Variants in CD58 observed in about 807,000 individuals in gnomAD.
CD58 encodes the protein lymphocyte function-associated antigen 3.
Under a neutral mutation model 27.6 loss-of-function variants are expected in CD58, and 14 were observed. The observed-to-expected ratio is 0.51, with a 90% CI of 0.34 to 0.79. The LOEUF (loss-of-function observed/expected upper bound fraction) is 0.79, where lower values mean the gene tolerates loss of function less well. Ranked by LOEUF, CD58 falls within the 30% of genes least tolerant of loss-of-function variation. The pLI, the probability that CD58 is intolerant of heterozygous loss-of-function variation, is 0.02. For missense variants in CD58, 268 were observed against 301.7 expected, an observed-to-expected ratio of 0.89 and a Z score of 0.83; for synonymous variants, 117 against 103.8, an observed-to-expected ratio of 1.13 and a Z score of -0.77.
At position 116,538,847 on chromosome 1, in the gene CD58, T is replaced by C. The variant is rs766784153; in HGVS notation, c.365-2619A>G. The stretch of plus-strand genomic sequence containing the variant: ...AGTACAGGACAGATGGGGAGACAGA[T>C]GGATAGAAGGATAGATTCAGAGAGA... On this transcript the variant is annotated intron_variant, in intron 2 of 5. Transcript: ENST00000369489. The surrounding 1 kb of genome is among the most constrained non-coding windows in gnomAD (Gnocchi z 4.7). Among the ~76,000 whole-genome samples, 5 of 152,182 alleles carry C rather than the reference T, an allele frequency of 3.3e-5. No individual in the cohort carries two copies. Among genetic ancestry groups the C allele is most frequent in the Non-Finnish European group, 5.9e-5 (4 of 68,020 alleles).
chr1:116,563,215 C>T lies in CD58; in HGVS notation c.70+7688G>A, dbSNP rs1296174259. On this transcript the variant is annotated intron_variant, in intron 1 of 5. Transcript: ENST00000369489. The surrounding 1 kb of genome is among the most constrained non-coding windows in gnomAD (Gnocchi z 4.1). The stretch of plus-strand genomic sequence containing the variant: ...TGATCTCCTTTGACTCCATGCCTCA[C>T]ATCCAGGTGACGCAAGAGATGGGCT... Among the ~76,000 whole-genome samples, 1 of 152,236 alleles carries T rather than the reference C, an allele frequency of 6.6e-6. No homozygotes were observed. Among genetic ancestry groups the T allele is most frequent in the Non-Finnish European group, 1.5e-5 (1 of 68,040 alleles).
intron 4 of CD58, among the ~76,000 whole-genome samples, chr1:116,520,256 C>A (rs1657224553): frequency 6.6e-6 from 1 of 152,086 alleles, no homozygotes; most frequent in South Asian, 2.1e-4. Context: ...GGACTACAGG[C>A]ATGCACCACC....
chr1:116,525,946 C>T (rs374444656), intron 3 of CD58, among the ~76,000 whole-genome samples: 20 of 152,160 alleles, frequency 1.3e-4, no homozygotes, highest in African/African-American at 3.1e-4. Context: ...CCACCGCACC[C>T]GGCCCAGGAG....
chr1:116,517,845 C>T lies in CD58; in HGVS notation c.743+1386G>A, dbSNP rs1047181812. Among the ~76,000 whole-genome samples, 1 of 152,188 alleles carries T rather than the reference C, an allele frequency of 6.6e-6. No individual in the cohort carries two copies. Among genetic ancestry groups the T allele is most frequent in the Non-Finnish European group, 1.5e-5 (1 of 68,038 alleles). On this transcript the variant is annotated intron_variant, in intron 5 of 5. Coordinates refer to ENST00000369489, the MANE Select transcript of CD58 (RefSeq NM_001779.3). This position sits in a 1 kb window ranked among gnomAD's most constrained non-coding sequence, Gnocchi z 6.5. ...CATGGACATCACTAGCCAGGTAATACACCAGCACCCCAAAATCAACCTGTC... is the reference window on the plus strand; with the variant it reads ...CATGGACATCACTAGCCAGGTAATATACCAGCACCCCAAAATCAACCTGTC...
At chr1:116,562,135 A>G (rs891384365) in intron 1 of CD58, among the ~76,000 whole-genome samples, 32 of 152,322 alleles carry the variant, frequency 2.1e-4, no homozygotes, top group African/African-American at 7.5e-4. Flanking sequence ...ATTGTCATCT[A>G]ATGTTCAGAT....
chr1:116,528,865 C>T lies in CD58; in HGVS notation c.629-6882G>A, dbSNP rs1571063187. 6.6e-6 allele frequency among the ~76,000 whole-genome samples: 1 copy of T among 152,220 alleles called. No homozygotes were observed. The highest frequency in any genetic ancestry group is 1.9e-4 in the East Asian group (1 of 5,196). On this transcript the variant is annotated intron_variant, in intron 3 of 5. Transcript: ENST00000369489. The surrounding 1 kb of genome is among the most constrained non-coding windows in gnomAD (Gnocchi z 4.4). ...TCCTACCCTCATCTATTCACAAGGTCTGTCAACAATGACCTCCTAAGTGCC... is the reference window on the plus strand; with the variant it reads ...TCCTACCCTCATCTATTCACAAGGTTTGTCAACAATGACCTCCTAAGTGCC...
At chr1:116,543,613 C>T (rs1292459103) in intron 2 of CD58, among the ~76,000 whole-genome samples, 2 of 152,090 alleles carry the variant, frequency 1.3e-5, no homozygotes, top group African/African-American at 4.8e-5. Context: ...TGTCCCCTCT[C>T]TCTAGTTTCA....
At chr1:116,525,878 T>C (rs1033224664) in intron 3 of CD58, among the ~76,000 whole-genome samples, 32 of 152,218 alleles carry the variant, frequency 2.1e-4, no homozygotes, top group African/African-American at 7.7e-4. Flanking sequence ...CTTGAACTCC[T>C]GACCTCAGGT....
chr1:116,537,551 T>C (rs548448184), intron 2 of CD58, among the ~76,000 whole-genome samples: 1 of 152,326 alleles, frequency 6.6e-6, no homozygotes, highest in East Asian at 1.9e-4. Context: ...GGGAGCAGCA[T>C]GTGTCACAGA....
intron 1 of CD58, among the ~76,000 whole-genome samples, chr1:116,553,464 G>A (rs896708446): frequency 6.6e-6 from 1 of 152,164 alleles, no homozygotes. Flanking sequence ...AAAACTGGGA[G>A]AACTAGATGA....
In CD58 at chr1:116,519,543, G is replaced by A. The variant is rs1037179661; in HGVS notation, c.707-276C>T. On this transcript the variant is annotated intron_variant, in intron 4 of 5. Coordinates refer to ENST00000369489, the MANE Select transcript of CD58 (RefSeq NM_001779.3). The surrounding 1 kb of genome is among the most constrained non-coding windows in gnomAD (Gnocchi z 4.7). ...CCTCGTGCATAAGGCTGAAGATGCA[G>A]GGAAGGCTAGAATAGTTTGGACCAG... Among the ~76,000 whole-genome samples, 1 of 152,180 alleles carries A rather than the reference G, an allele frequency of 6.6e-6. No homozygotes were observed. The highest frequency in any genetic ancestry group is 1.5e-5 in the Non-Finnish European group (1 of 68,028).
At chr1:116,543,057 A>C (rs949056373) in intron 2 of CD58, among the ~76,000 whole-genome samples, 4 of 152,226 alleles carry the variant, frequency 2.6e-5, no homozygotes, top group Admixed American at 2.0e-4. Context: ...AGGACTTTGT[A>C]GGGTGGTGTA....
Position 116,533,347 on chromosome 1 carries a change from C to A in CD58, c.628+2618G>T. ...TTCTTCCAGTCAATAGTACACCCAT[C>A]GCAGTCCATGATCTCAGGACCTGCA... On this transcript the variant is annotated intron_variant, in intron 3 of 5. Transcript: ENST00000369489. 18 of 1,206,854 alleles carry A rather than the reference C, an allele frequency of 1.5e-5. No individual in the cohort carries two copies. The South Asian group carries it at 1.9e-4, about 13-fold the overall frequency. 74.8% of individuals were successfully genotyped at this position (1,206,854 alleles called of 1,614,324 possible).
At chr1:116,554,785 A>AT (rs1032913249) in intron 1 of CD58, among the ~76,000 whole-genome samples, 2 of 151,924 alleles carry the variant, frequency 1.3e-5, no homozygotes, top group South Asian at 2.1e-4. Context: ...AACTATGTAA[A>AT]TTTTTTTTAA....
chr1:116,554,528 A>C (rs897351941), intron 1 of CD58, among the ~76,000 whole-genome samples: 2 of 151,830 alleles, frequency 1.3e-5, no homozygotes, highest in Non-Finnish European at 2.9e-5. Flanking sequence ...TCTACCAAAA[A>C]ATATATATAT....
intron 1 of CD58, among the ~76,000 whole-genome samples, chr1:116,562,859 A>G (rs1177977056): frequency 6.6e-6 from 1 of 152,154 alleles, no homozygotes; most frequent in African/African-American, 2.4e-5. Flanking sequence ...CAGCCAAACC[A>G]TATCATTCCA....
intron 1 of CD58, among the ~76,000 whole-genome samples, chr1:116,545,154 C>CAGCT (rs1262447538): frequency 6.6e-6 from 1 of 152,128 alleles, no homozygotes; most frequent in Non-Finnish European, 1.5e-5. Flanking sequence ...TGATTCCTAA[C>CAGCT]AGCTAGAATG....
chr1:116,569,928 T>C (rs1358451819), intron 1 of CD58, among the ~76,000 whole-genome samples: 1 of 152,200 alleles, frequency 6.6e-6, no homozygotes, highest in Non-Finnish European at 1.5e-5. Flanking sequence ...CTGACTTATC[T>C]GATCGTGCGG....
intron 1 of CD58, among the ~76,000 whole-genome samples, chr1:116,569,655 T>C (rs1415777649): frequency 6.7e-6 from 1 of 150,306 alleles, no homozygotes; most frequent in Admixed American, 6.7e-5. Flanking sequence ...AGGCTGGAGT[T>C]CAGTGGCACA....
Sources: allele counts gnomAD v4.1 joint callset (sites outside exome capture counted in the v4.1 genomes callset), GRCh38; gene constraint gnomAD v4.1.1; non-coding constraint Gnocchi (gnomAD v3.1); transcripts MANE v1.5; gene names NCBI Gene and HGNC (gene_info 2026-07-23, HGNC 2026-07-21).